The following HSPA12A variants were observed in gnomAD, a reference collection of about 807,000 sequenced individuals.
HSPA12A encodes the protein heat shock protein family A (Hsp70) member 12A.
In HSPA12A, 28 loss-of-function variants were observed where a neutral mutation model predicts 69.2. The ratio of observed to expected loss-of-function variants is 0.40; its 90% confidence interval spans 0.30 to 0.55. The LOEUF (loss-of-function observed/expected upper bound fraction) is 0.55. Among genes scored for constraint, HSPA12A ranks in the 20% least tolerant of loss-of-function variants. The pLI, the probability that HSPA12A is intolerant of heterozygous loss-of-function variation, is 0.38. For synonymous variants in HSPA12A, 345 were observed against 370.5 expected (o/e 0.93, Z 0.79); for missense variants, 686 against 900.7 (o/e 0.76, Z 3.05).
chr10:116,686,459 T>G lies in HSPA12A; in HGVS notation c.664-2497A>C, dbSNP rs1849578871. 6.6e-6 allele frequency among the ~76,000 whole-genome samples: 1 copy of G among 152,178 alleles called. No individual in the cohort carries two copies. The highest frequency in any genetic ancestry group is 6.5e-5 in the Admixed American group (1 of 15,282). ...AACTGCCAGGCCTGTATGTATACAA[T>G]TCTCCTCCAAAGTTCAAACTTGAAA... On this transcript the variant is annotated intron_variant, in intron 6 of 11. Coordinates refer to ENST00000369209, the MANE Select transcript of HSPA12A (RefSeq NM_025015.3). This position sits in a 1 kb window ranked among gnomAD's most constrained non-coding sequence, Gnocchi z 4.1.
At chr10:116,849,214 G>A (rs1029052192) in intron 1 of HSPA12A, among the ~76,000 whole-genome samples, 3 of 152,220 alleles carry the variant, frequency 2.0e-5, no homozygotes, top group Non-Finnish European at 4.4e-5. Context: ...CCGGAATTCG[G>A]AGCTAAGGCT....
chr10:116,848,498 G>A (rs1404245501), intron 1 of HSPA12A, among the ~76,000 whole-genome samples: 3 of 152,182 alleles, frequency 2.0e-5, no homozygotes, highest in African/African-American at 7.2e-5. Context: ...TTCCAGAGGG[G>A]GGAAAGTGTG....
intron 1 of HSPA12A, among the ~76,000 whole-genome samples, chr10:116,837,730 T>C (rs922261793): frequency 1.7e-4 from 26 of 152,028 alleles, no homozygotes; most frequent in African/African-American, 5.8e-4. Context: ...ACACATACTA[T>C]ACCAAAATAT....
intron 2 of HSPA12A, among the ~76,000 whole-genome samples, chr10:116,828,129 G>A (rs1845544840): frequency 6.6e-6 from 1 of 152,116 alleles, no homozygotes; most frequent in African/African-American, 2.4e-5. Context: ...AAATAAGACA[G>A]GCATTTATAG....
chr10:116,682,857 C>T (rs1386246232), intron 7 of HSPA12A, among the ~76,000 whole-genome samples: 3 of 142,856 alleles, frequency 2.1e-5, no homozygotes, highest in Admixed American at 7.3e-5. Flanking sequence ...CCCGCCACCT[C>T]GCCCGGCTAA....
At chr10:116,734,304 G>A (rs1465355049) in intron 1 of HSPA12A, among the ~76,000 whole-genome samples, 1 of 151,994 alleles carries the variant, frequency 6.6e-6, no homozygotes, top group Non-Finnish European at 1.5e-5. Flanking sequence ...ACAAAAATTA[G>A]CTGGACATGG....
At chr10:116,756,056 G>A (rs1554888740) in intron 2 of HSPA12A, among the ~76,000 whole-genome samples, 1 of 152,126 alleles carries the variant, frequency 6.6e-6, no homozygotes, top group Non-Finnish European at 1.5e-5. Context: ...ACCACTAAAA[G>A]TATGCCTGCA....
Position 116,698,633 on chromosome 10 carries a change from AC to A in HSPA12A, c.546+1del. 6.2e-7 allele frequency: 1 copy of A among 1,610,680 alleles called. No individual in the cohort carries two copies. The highest frequency in any genetic ancestry group is 8.5e-7 in the Non-Finnish European group (1 of 1,177,276). ...CTGGCTGGCCTCAACTATCAGTCCT[AC>A]CTTCAGCGCCTGCTCCTTAAAGTAC... On this transcript the variant is annotated splice_donor_variant, in intron 5 of 11. Coordinates refer to ENST00000369209, the MANE Select transcript of HSPA12A (RefSeq NM_025015.3). LOFTEE classifies it high-confidence loss of function.
intron 2 of HSPA12A, among the ~76,000 whole-genome samples, chr10:116,770,370 G>C (rs569233804): frequency 6.6e-6 from 1 of 152,334 alleles, no homozygotes; most frequent in South Asian, 2.1e-4. Context: ...GGGAGGTCCC[G>C]CAGAGGCCAC....
intron 2 of HSPA12A, among the ~76,000 whole-genome samples, chr10:116,766,007 AC>A: frequency 6.6e-6 from 1 of 151,908 alleles, no homozygotes; most frequent in South Asian, 2.1e-4. Context: ...CGGATGAGCC[AC>A]CCTTCATGCA....
intron 2 of HSPA12A, among the ~76,000 whole-genome samples, chr10:116,804,366 C>T (rs1398661612): frequency 6.6e-6 from 1 of 152,072 alleles, no homozygotes; most frequent in Non-Finnish European, 1.5e-5. Flanking sequence ...CCAGGCTCCC[C>T]GATTTGAGGG....
chr10:116,676,508 G>A lies in HSPA12A; in HGVS notation c.1287-6C>T, dbSNP rs782151152. On this transcript the variant is annotated splice_region_variant and splice_polypyrimidine_tract_variant and intron_variant, in intron 10 of 11. Transcript: ENST00000369209. Reference sequence around the variant, plus strand: ...ACCACTTCACAAAATCCACACTGCAGGAGCATAGCATGGAGAAGAGCAGGC... The same window carrying A: ...ACCACTTCACAAAATCCACACTGCAAGAGCATAGCATGGAGAAGAGCAGGC... The A allele has an allele frequency of 3.7e-6, 6 of 1,609,646 alleles. No homozygotes were observed. In the African/African-American group the frequency reaches 6.7e-5, roughly 18 times the overall value.
In HSPA12A at chr10:116,708,953, C is replaced by T. The variant is rs148545807; in HGVS notation, c.41-1668G>A. Among the ~76,000 whole-genome samples the T allele has an allele frequency of 1.7e-3, 252 of 152,196 alleles. 1 individual carries two copies. The highest frequency in any genetic ancestry group is 5.4e-3 in the African/African-American group (223 of 41,522). On this transcript the variant is annotated intron_variant, in intron 1 of 11. Coordinates refer to ENST00000369209, the MANE Select transcript of HSPA12A (RefSeq NM_025015.3). Reference sequence around the variant, plus strand: ...GAGCATTGCTAGTGGGAATATAAAACGGGACAACTGCTGTGGAAAAGAGTT... The same window carrying T: ...GAGCATTGCTAGTGGGAATATAAAATGGGACAACTGCTGTGGAAAAGAGTT...
At chr10:116,789,496 C>T (rs3125619) in intron 2 of HSPA12A, among the ~76,000 whole-genome samples, 107,583 of 151,932 alleles carry the variant, frequency 0.71, 38,986 homozygotes, top group Non-Finnish European at 0.78. Flanking sequence ...ATTATCCTCT[C>T]GATGATAGAA....
intron 2 of HSPA12A, among the ~76,000 whole-genome samples, chr10:116,834,766 G>A (rs1845679899): frequency 1.3e-5 from 2 of 152,158 alleles, no homozygotes; most frequent in Admixed American, 1.3e-4. Flanking sequence ...CCTTGCTGGT[G>A]TTCTGAACAA....
At chr10:116,682,138 C>A (rs1849425586) in intron 7 of HSPA12A, among the ~76,000 whole-genome samples, 1 of 152,154 alleles carries the variant, frequency 6.6e-6, no homozygotes, top group South Asian at 2.1e-4. Flanking sequence ...TCACAACAAC[C>A]CTTGGAATTA....
intron 1 of HSPA12A, among the ~76,000 whole-genome samples, chr10:116,846,088 A>G (rs962608418): frequency 5.3e-5 from 8 of 152,208 alleles, no homozygotes; most frequent in African/African-American, 1.9e-4. Flanking sequence ...AGTGCCTAGA[A>G]CAGCATCTGG....
At chr10:116,805,515 CA>C (rs1254883665) in intron 2 of HSPA12A, among the ~76,000 whole-genome samples, 5 of 152,014 alleles carry the variant, frequency 3.3e-5, no homozygotes, top group African/African-American at 1.2e-4. Flanking sequence ...TACTTAAAAT[CA>C]CAACAGATTT....
intron 1 of HSPA12A, among the ~76,000 whole-genome samples, chr10:116,836,231 T>C (rs1035335451): frequency 2.6e-5 from 4 of 152,124 alleles, no homozygotes; most frequent in African/African-American, 9.7e-5. Flanking sequence ...TCTTGCTCCC[T>C]GCCTGGCTTT....
Sources: gnomAD v4.1 joint callset for allele counts (sites outside exome capture counted in the v4.1 genomes callset) on GRCh38, gnomAD v4.1.1 for gene constraint, Gnocchi (gnomAD v3.1) non-coding constraint, MANE v1.5 for transcripts, NCBI Gene and HGNC (gene_info 2026-07-23, HGNC 2026-07-21) for gene names.